MITF: variants seen among roughly 807,000 people sequenced by gnomAD.
MITF encodes microphthalmia-associated transcription factor.
In MITF, 17 loss-of-function variants were observed where a neutral mutation model predicts 60.5. The observed-to-expected ratio is 0.28, with a 90% CI of 0.19 to 0.42. The LOEUF (loss-of-function observed/expected upper bound fraction) is 0.42. Among genes scored for constraint, MITF ranks in the 10% least tolerant of loss-of-function variants. The pLI, the probability that MITF is intolerant of heterozygous loss-of-function variation, is 1.00. For missense variants in MITF, 622 were observed against 683.5 expected (o/e 0.91, Z 1.00); for synonymous variants, 260 against 248.5 (o/e 1.05, Z -0.43).
intron 9 of MITF, among the ~76,000 whole-genome samples, chr3:69,959,980 A>T (rs2066500549): frequency 6.6e-6 from 1 of 152,238 alleles, no homozygotes; most frequent in Admixed American, 6.5e-5. Flanking sequence ...ATATTACATA[A>T]GGTGACCTTC....
chr3:69,946,766 C>T (rs762362375), intron 5 of MITF, among the ~76,000 whole-genome samples: 47 of 152,112 alleles, frequency 3.1e-4, no homozygotes, highest in Non-Finnish European at 1.0e-4. Flanking sequence ...CAGTAGAGTG[C>T]CCAATGAGGC....
chr3:69,868,584 G>C (rs2064160885), intron 1 of MITF, among the ~76,000 whole-genome samples: 1 of 152,068 alleles, frequency 6.6e-6, no homozygotes, highest in Non-Finnish European at 1.5e-5. Context: ...GTATTTCCCT[G>C]AGTCCAGTTC....
chr3:69,813,304 G>A (rs927063376), intron 1 of MITF, among the ~76,000 whole-genome samples: 2 of 152,136 alleles, frequency 1.3e-5, no homozygotes, highest in Non-Finnish European at 2.9e-5. Context: ...AAAGCTTTCC[G>A]CTCTTTTGCT....
At chr3:69,932,329 C>T in intron 2 of MITF, among the ~76,000 whole-genome samples, 1 of 152,194 alleles carries the variant, frequency 6.6e-6, no homozygotes, top group Admixed American at 6.5e-5. Context: ...TATTTATCCA[C>T]ATTGAAATCT....
At chr3:69,936,895 C>A in intron 2 of MITF, 1 of 724,788 alleles carries the variant, frequency 1.4e-6, no homozygotes, top group Non-Finnish European at 2.3e-6. Flanking sequence ...TTATTTGATG[C>A]CATAAGAAGT....
At chr3:69,796,661 C>T (rs926559911) in intron 1 of MITF, among the ~76,000 whole-genome samples, 14 of 151,064 alleles carry the variant, frequency 9.3e-5, no homozygotes, top group South Asian at 4.2e-4. Context: ...CGCCCGCCAC[C>T]GCGCCCGGCT....
chr3:69,850,095 G>A (rs2063799834), intron 1 of MITF, among the ~76,000 whole-genome samples: 1 of 152,170 alleles, frequency 6.6e-6, no homozygotes, highest in South Asian at 2.1e-4. Flanking sequence ...AGATCAAGGT[G>A]TTTATTGTTT....
At chr3:69,773,262 G>A (rs1425143353) in intron 1 of MITF, among the ~76,000 whole-genome samples, 2 of 152,194 alleles carry the variant, frequency 1.3e-5, no homozygotes, top group African/African-American at 4.8e-5. Flanking sequence ...TTCCAGGAAT[G>A]GCAGGAGGTG....
chr3:69,740,280 G>A (rs562608726), intron 1 of MITF, among the ~76,000 whole-genome samples: 1 of 152,026 alleles, frequency 6.6e-6, no homozygotes, highest in Non-Finnish European at 1.5e-5. Flanking sequence ...CCTCCAGACC[G>A]CTGCTAGCGG....
chr3:69,955,764 A>G (rs979159564), intron 7 of MITF, among the ~76,000 whole-genome samples: 2 of 152,108 alleles, frequency 1.3e-5, no homozygotes, highest in African/African-American at 4.8e-5. Context: ...CAGTGAGCTG[A>G]GATCCTGCCA....
intron 1 of MITF, among the ~76,000 whole-genome samples, chr3:69,740,965 C>T (rs573318901): frequency 6.0e-4 from 91 of 152,296 alleles, no homozygotes; most frequent in Non-Finnish European, 1.1e-3. Flanking sequence ...AAAGTGCAGC[C>T]AGGTTTATTT....
intron 1 of MITF, among the ~76,000 whole-genome samples, chr3:69,822,626 A>G (rs2063293442): frequency 6.6e-6 from 1 of 152,178 alleles, no homozygotes. Context: ...TTACCAGGAA[A>G]ATAAACCAGC....
intron 1 of MITF, among the ~76,000 whole-genome samples, chr3:69,837,139 G>T (rs951152178): frequency 2.0e-5 from 3 of 152,146 alleles, no homozygotes; most frequent in Non-Finnish European, 4.4e-5. Flanking sequence ...GAACCTGAAG[G>T]CATATGTCTC....
intron 1 of MITF, among the ~76,000 whole-genome samples, chr3:69,850,733 A>T (rs1166298473): frequency 6.6e-6 from 1 of 152,204 alleles, no homozygotes; most frequent in East Asian, 1.9e-4. Flanking sequence ...GACCCTGGAT[A>T]GACAGTGGCT....
rs554703170 is a variant in MITF, at chr3:69,891,710, A to G, written c.354+12327A>G. On this transcript the variant is annotated intron_variant, in intron 2 of 9. Transcript: ENST00000352241. ...TACTGTAGAGCCTCTGAGATCCTTT[A>G]ACATGTAAAGAGTTATGGCAAATCT... Among the ~76,000 whole-genome samples, 9 of 152,336 alleles carry G rather than the reference A, an allele frequency of 5.9e-5. No individual in the cohort carries two copies. In the East Asian group the frequency reaches 1.7e-3, roughly 29 times the overall value.
At chr3:69,746,781 C>T (rs1647672997) in intron 1 of MITF, among the ~76,000 whole-genome samples, 1 of 152,192 alleles carries the variant, frequency 6.6e-6, no homozygotes, top group Non-Finnish European at 1.5e-5. Flanking sequence ...AGGGATAAGT[C>T]TGCATCTTTA....
chr3:69,945,444 CT>C, intron 5 of MITF, among the ~76,000 whole-genome samples: 1 of 152,116 alleles, frequency 6.6e-6, no homozygotes, highest in Non-Finnish European at 1.5e-5. Context: ...AAGTCTCTTC[CT>C]TTTTCTTAGC....
At chr3:69,833,434 GTTGTTTTTCTATTTACACTGTATGTGA>G (rs1355009251) in intron 1 of MITF, among the ~76,000 whole-genome samples, 1 of 151,856 alleles carries the variant, frequency 6.6e-6, no homozygotes, top group Non-Finnish European at 1.5e-5. Context: ...ACTGTATGTG[GTTGTTTTTCTATTTACACTGTATGTGA>G]TTGTTTTTCT....
intron 5 of MITF, among the ~76,000 whole-genome samples, chr3:69,943,968 C>T (rs1392421124): frequency 6.6e-6 from 1 of 151,992 alleles, no homozygotes; most frequent in African/African-American, 2.4e-5. Flanking sequence ...GTAGTACATA[C>T]CTATAGTCCT....
Sources: allele counts gnomAD v4.1 joint callset (sites outside exome capture counted in the v4.1 genomes callset), GRCh38; gene constraint gnomAD v4.1.1; transcripts MANE v1.5; gene names NCBI Gene and HGNC (gene_info 2026-07-23, HGNC 2026-07-21).